The following KIF2A variants were observed in gnomAD, a reference collection of about 807,000 sequenced individuals.
KIF2A encodes kinesin family member 2A.
Under a neutral mutation model 100.2 loss-of-function variants are expected in KIF2A, and 22 were observed. The ratio of observed to expected loss-of-function variants is 0.22; its 90% CI spans 0.16 to 0.31. KIF2A has a LOEUF of 0.31. KIF2A is among the 10% of genes least tolerant of loss of function. The pLI, the probability that KIF2A is intolerant of heterozygous loss-of-function variation, is 1.00. For synonymous variants in KIF2A, 268 were observed against 285.9 expected, an observed-to-expected ratio of 0.94 and a Z score of 0.63; for missense variants, 495 against 898.7, an observed-to-expected ratio of 0.55 and a Z score of 5.74.
chr5:62,337,581 C>T (rs1193827943), intron 1 of KIF2A, among the ~76,000 whole-genome samples: 1 of 151,936 alleles, frequency 6.6e-6, no homozygotes, highest in Non-Finnish European at 1.5e-5. Context: ...ACCTGTAATC[C>T]CAGCACTTTG....
intron 1 of KIF2A, among the ~76,000 whole-genome samples, chr5:62,309,407 T>G (rs1009547513): frequency 6.6e-6 from 1 of 152,182 alleles, no homozygotes; most frequent in Non-Finnish European, 1.5e-5. Flanking sequence ...GGCAGGAGAT[T>G]AGTAGAGAAC....
intron 6 of KIF2A, 65 bp downstream of exon 6, chr5:62,353,440 T>C: frequency 1.4e-6 from 1 of 705,822 alleles, no homozygotes; most frequent in Non-Finnish European, 2.2e-6. Flanking sequence ...TCAGTGAAGG[T>C]GATTGATGTG....
At chr5:62,340,906 A>T (rs1747262377) in intron 1 of KIF2A, among the ~76,000 whole-genome samples, 1 of 152,202 alleles carries the variant, frequency 6.6e-6, no homozygotes, top group Admixed American at 6.5e-5. Flanking sequence ...TTAAAGTCAT[A>T]TTGGGTAAAG....
intron 1 of KIF2A, among the ~76,000 whole-genome samples, chr5:62,317,426 A>G (rs1309979811): frequency 6.6e-6 from 1 of 152,210 alleles, no homozygotes; most frequent in Non-Finnish European, 1.5e-5. Context: ...AACCACAGAA[A>G]GCTCTTTGAT....
intron 1 of KIF2A, among the ~76,000 whole-genome samples, chr5:62,311,050 T>C (rs1336850995): frequency 1.3e-5 from 2 of 152,144 alleles, no homozygotes; most frequent in African/African-American, 4.8e-5. Context: ...CTGAAGAGAA[T>C]CTTAGAATAT....
At chr5:62,310,191 C>T (rs1236086945) in intron 1 of KIF2A, among the ~76,000 whole-genome samples, 2 of 151,262 alleles carry the variant, frequency 1.3e-5, no homozygotes, top group Non-Finnish European at 2.9e-5. Context: ...GTAGCTGGGA[C>T]TACAGGTGTG....
At chr5:62,331,503 G>A (rs888195432) in intron 1 of KIF2A, among the ~76,000 whole-genome samples, 1 of 151,998 alleles carries the variant, frequency 6.6e-6, no homozygotes, top group Admixed American at 6.6e-5. Context: ...CAGGATAATT[G>A]TTTGTTGAAC....
chr5:62,376,901 C>G (rs1220190583), intron 18 of KIF2A, among the ~76,000 whole-genome samples: 1 of 152,042 alleles, frequency 6.6e-6, no homozygotes, highest in Admixed American at 6.6e-5. Context: ...ACCCAAATTG[C>G]GCATACACAA....
rs1467270129 is a variant in KIF2A at position 62,390,136 on chromosome 5, C to G, written c.*4567C>G. 1.3e-5 allele frequency among the ~76,000 whole-genome samples: 2 copies of G among 152,134 alleles called. No homozygotes were observed. The highest frequency in any genetic ancestry group is 4.8e-5 in the African/African-American group (2 of 41,428). On this transcript the variant is annotated 3_prime_UTR_variant, in exon 21 of 21. Coordinates refer to ENST00000407818, the MANE Select transcript of KIF2A (RefSeq NM_001098511.3). ...CAATCTACTCTCATTTTTTATTCAG[C>G]CTCTAGAACATGGAAGCTTTAAAAG... is the stretch of plus-strand genomic sequence containing the variant.
At position 62,387,445 on chromosome 5, in the gene KIF2A, A is replaced by G. The variant is rs922545212; in HGVS notation, c.*1876A>G. On this transcript the variant is annotated 3_prime_UTR_variant, in exon 21 of 21. Coordinates refer to ENST00000407818, the MANE Select transcript of KIF2A (RefSeq NM_001098511.3). ...GCTTCAAATTTATTATTTGCATTGG[A>G]TGGGTACTGTCTTTGGAAAGTCTCC... 5 of 152,178 alleles carry G rather than the reference A, an allele frequency of 3.3e-5. No individual in the cohort carries two copies. Among genetic ancestry groups the G allele is most frequent in the African/African-American group, 9.7e-5 (4 of 41,442 alleles). The allele number at this position is 152,178 out of a possible 1,614,324, so 9.4% of individuals were successfully genotyped here.
chr5:62,317,693 TG>T (rs1255085310), intron 1 of KIF2A, among the ~76,000 whole-genome samples: 2 of 152,206 alleles, frequency 1.3e-5, no homozygotes, highest in Non-Finnish European at 2.9e-5. Context: ...ATTAATCAGG[TG>T]TTTTTATTAA....
chr5:62,318,491 T>C (rs995418544), intron 1 of KIF2A, among the ~76,000 whole-genome samples: 11 of 152,254 alleles, frequency 7.2e-5, no homozygotes, highest in African/African-American at 2.7e-4. Flanking sequence ...ATAACTTCGC[T>C]CTAAGTATAT....
chr5:62,324,690 A>G (rs1746274887), intron 1 of KIF2A, among the ~76,000 whole-genome samples: 2 of 152,204 alleles, frequency 1.3e-5, no homozygotes, highest in Admixed American at 1.3e-4. Context: ...CCTTCCTTTC[A>G]CCATAAACAA....
chr5:62,362,962 G>A (rs138894710), intron 12 of KIF2A, among the ~76,000 whole-genome samples: 89 of 152,150 alleles, frequency 5.8e-4, no homozygotes, highest in African/African-American at 2.1e-3. Flanking sequence ...TAGTAGCTGC[G>A]ACTATAGGCA....
chr5:62,327,997 C>T (rs898913447), intron 1 of KIF2A, among the ~76,000 whole-genome samples: 1 of 152,172 alleles, frequency 6.6e-6, no homozygotes, highest in African/African-American at 2.4e-5. Context: ...TATGGAATTC[C>T]CTTTTGGGTA....
rs189186423 is a variant in KIF2A at position 62,354,584 on chromosome 5, T to A, written c.559-575T>A. On this transcript the variant is annotated intron_variant, in intron 6 of 20. Coordinates refer to ENST00000407818, the MANE Select transcript of KIF2A (RefSeq NM_001098511.3). Reference sequence around the variant, plus strand: ...AAAAATTTGAATTTTAAAGTTTTTTTAAAATGATCTTGGCTTCTGATTCCT... The same window carrying A: ...AAAAATTTGAATTTTAAAGTTTTTTAAAAATGATCTTGGCTTCTGATTCCT... Among the ~76,000 whole-genome samples the A allele has an allele frequency of 6.6e-5, 10 of 152,296 alleles. No individual in the cohort carries two copies. In the East Asian group the frequency reaches 7.7e-4, roughly 12 times the overall value.
intron 1 of KIF2A, among the ~76,000 whole-genome samples, chr5:62,309,983 C>T (rs1745480675): frequency 6.6e-6 from 1 of 151,772 alleles, no homozygotes; most frequent in African/African-American, 2.4e-5. Flanking sequence ...TTTTCCACTC[C>T]TCTCAGCTCA....
At chr5:62,348,333 A>C (rs1266177818) in intron 3 of KIF2A, among the ~76,000 whole-genome samples, 166 bp downstream of exon 3, 1 of 152,182 alleles carries the variant, frequency 6.6e-6, no homozygotes, top group African/African-American at 2.4e-5. Context: ...TCAAGGATTG[A>C]GGTTGTCTAA....
At chr5:62,375,593 T>C (rs1741502107) in intron 18 of KIF2A, among the ~76,000 whole-genome samples, 1 of 152,152 alleles carries the variant, frequency 6.6e-6, no homozygotes, top group Admixed American at 6.6e-5. Context: ...GTAAACAATG[T>C]TAGTTAGTTC....
Sources: gnomAD v4.1 joint callset for allele counts (sites outside exome capture counted in the v4.1 genomes callset) on GRCh38, gnomAD v4.1.1 for gene constraint, MANE v1.5 for transcripts, NCBI Gene and HGNC (gene_info 2026-07-23, HGNC 2026-07-21) for gene names.